Variants in DMD observed in about 807,000 individuals in gnomAD.
DMD encodes the protein mutant dystrophin.
DMD carries 63 observed loss-of-function variants against 330.1 expected under a neutral mutation model. The observed-to-expected ratio is 0.19, with a 90% CI of 0.16 to 0.24. The LOEUF is 0.24. Among genes scored for constraint, DMD ranks in the 10% least tolerant of loss-of-function variants. The probability of loss-of-function intolerance (pLI) is 1.00; values close to 1 mark genes in which losing one functional copy is unlikely to be tolerated. For missense variants in DMD, 3,344 were observed against 2,684.1 expected (o/e 1.25, Z -5.43); for synonymous variants, 1,223 against 959.8 (o/e 1.27, Z -5.07).
At chrX:33,032,313 A>G (rs2094129394) in intron 1 of DMD, among the ~76,000 whole-genome samples, 1 of 112,458 alleles carries the variant, frequency 8.9e-6, no homozygotes, top group Non-Finnish European at 1.9e-5. Context: ...CCTGTACTCA[A>G]TACAAAATTG....
intron 1 of DMD, among the ~76,000 whole-genome samples, chrX:33,235,168 T>C (rs2052453998): frequency 8.9e-6 from 1 of 111,854 alleles, no homozygotes; most frequent in Non-Finnish European, 1.9e-5. Flanking sequence ...TGGTCTTGTG[T>C]TGTGTAGCAG....
chrX:32,764,980 T>A lies in DMD; in HGVS notation c.649+44513A>T, dbSNP rs1366943651. ...GGGTTTTTTTTTTTTTTTTTGGTGT[T>A]TTAAAATAATCATCATCCTAATGGG... is the stretch of plus-strand genomic sequence containing the variant. On this transcript the variant is annotated intron_variant, in intron 7 of 78. Coordinates refer to ENST00000357033, the MANE Select transcript of DMD (RefSeq NM_004006.3). Among the ~76,000 whole-genome samples the A allele has an allele frequency of 4.2e-3, 450 of 107,342 alleles. 5 individuals are homozygous for A. The highest frequency in any genetic ancestry group is 0.015 in the African/African-American group (435 of 29,457). 93.2% of individuals were successfully genotyped at this position (107,342 alleles called of 115,157 possible). A position where few individuals can be genotyped will look rare whatever the true frequency, so the allele number is the denominator to read the frequency against.
chrX:32,076,216 C>G (rs1047548737), intron 44 of DMD, among the ~76,000 whole-genome samples: 9 of 108,403 alleles, frequency 8.3e-5, no homozygotes, highest in Non-Finnish European at 1.3e-4. Context: ...AGCGGAAAGA[C>G]AGACAGGTGT....
intron 2 of DMD, among the ~76,000 whole-genome samples, chrX:32,949,342 GTAGATAGATAGATAGATAGATAGA>G (rs1193558967): frequency 5.0e-4 from 46 of 91,539 alleles, no homozygotes; most frequent in African/African-American, 1.0e-3. Context: ...AGGTAGGTAG[GTAGATAGATAGATAGATAGATAGA>G]TAGATAGATA....
At chrX:33,096,125 C>G (rs1429261733) in intron 1 of DMD, among the ~76,000 whole-genome samples, 2 of 108,966 alleles carry the variant, frequency 1.8e-5, no homozygotes, top group Non-Finnish European at 3.8e-5. Flanking sequence ...CAGGCGCCTG[C>G]CACCACGCCC....
intron 1 of DMD, among the ~76,000 whole-genome samples, chrX:33,325,819 T>A (rs968385351): frequency 5.4e-5 from 6 of 111,949 alleles, no homozygotes; most frequent in Non-Finnish European, 9.4e-5. Flanking sequence ...ATTTTTGCTT[T>A]GTGTTACTTT....
At chrX:32,587,876 C>A (rs5972615) in intron 13 of DMD, among the ~76,000 whole-genome samples, 15,526 of 111,082 alleles carry the variant, frequency 0.14, 2,674 homozygotes, top group African/African-American at 0.48. Flanking sequence ...CTCAACTACC[C>A]TTTTACCCTT....
intron 2 of DMD, among the ~76,000 whole-genome samples, chrX:32,878,380 A>AAAT (rs199637086): frequency 0.01 from 1,171 of 111,685 alleles, 12 homozygotes; most frequent in East Asian, 0.054. Context: ...TACGTCTCAA[A>AAAT]AATAATAAAA....
intron 60 of DMD, among the ~76,000 whole-genome samples, chrX:31,398,321 A>G (rs1170951605): frequency 8.9e-6 from 1 of 112,398 alleles, no homozygotes; most frequent in Non-Finnish European, 1.9e-5. Flanking sequence ...CCAGGTTTAT[A>G]AGGGCTTTCC....
chrX:32,313,167 C>G (rs1365440864), intron 41 of DMD, among the ~76,000 whole-genome samples: 2 of 109,206 alleles, frequency 1.8e-5, no homozygotes, highest in Non-Finnish European at 3.8e-5. Flanking sequence ...ACTGGCAAAC[C>G]AAATCCAGTA....
intron 44 of DMD, among the ~76,000 whole-genome samples, chrX:31,990,725 C>G: frequency 8.9e-6 from 1 of 111,950 alleles, no homozygotes; most frequent in Admixed American, 9.5e-5. Flanking sequence ...TAATAACTCA[C>G]GTAAGCAAGG....
chrX:32,883,839 A>G (rs1369065664), intron 2 of DMD, among the ~76,000 whole-genome samples: 17 of 105,190 alleles, frequency 1.6e-4, no homozygotes, highest in South Asian at 4.2e-4. Context: ...AAAAAAAAAA[A>G]AAAAAAAAAA....
chrX:31,366,492 A>AT (rs2059252362), intron 60 of DMD, among the ~76,000 whole-genome samples: 1 of 100,490 alleles, frequency 1.0e-5, no homozygotes, highest in African/African-American at 3.7e-5. Flanking sequence ...AAAAAAAAAA[A>AT]AAAACATAAA....
rs1488837421 is a variant in DMD at position 32,841,000 on chromosome X, A to G, written c.264+3783T>C. On this transcript the variant is annotated intron_variant, in intron 4 of 78. Coordinates refer to ENST00000357033, the MANE Select transcript of DMD (RefSeq NM_004006.3). The stretch of plus-strand genomic sequence containing the variant: ...AACTCTTTAATTAGTTGCCTGAATT[A>G]TATTTCCAGAAGTTAATTGTGAGAT... 5.4e-5 allele frequency among the ~76,000 whole-genome samples: 6 copies of G among 112,065 alleles called. No individual in the cohort carries two copies. In the South Asian group the frequency reaches 2.2e-3, roughly 41 times the overall value.
chrX:31,874,404 T>A (rs2093937304), intron 48 of DMD, among the ~76,000 whole-genome samples: 1 of 110,854 alleles, frequency 9.0e-6, no homozygotes, highest in South Asian at 3.8e-4. Context: ...GCCCAGACAT[T>A]ATATTTTAGG....
chrX:32,310,257 G>C lies in DMD; in HGVS notation c.5942C>G (p.Thr1981Arg), dbSNP rs140575687. The change falls in exon 42 of 79, where the codon ACG (threonine) becomes AGG (arginine). Residue 1981 changes from threonine to arginine, a missense_variant. Thr to Arg is a moderately conservative substitution (Grantham distance 71). Transcript: ENST00000357033. ...CATGTCTTCAGTCATCACCATCATC[G>C]TTTCTTCACGGACAGTGTGCTGGTA... ...FAQIHTVREE[T>R]MMVMTEDMPL... The C allele has an allele frequency of 1.7e-6, 2 of 1,208,169 alleles. No individual in the cohort carries two copies. The highest frequency in any genetic ancestry group is 2.2e-6 in the Non-Finnish European group (2 of 893,193).
intron 7 of DMD, among the ~76,000 whole-genome samples, chrX:32,761,896 A>G (rs1297751839): frequency 9.0e-6 from 1 of 111,250 alleles, no homozygotes; most frequent in Non-Finnish European, 1.9e-5. Context: ...CATGCTTGTT[A>G]TCCCAGCACT....
Position 32,809,524 on chromosome X carries a change from T to C in DMD, c.618A>G (p.Gln206=), listed in dbSNP as rs727503865. 2.0e-5 allele frequency: 24 copies of C among 1,209,368 alleles called. No individual in the cohort carries two copies. Among genetic ancestry groups the C allele is most frequent in the Admixed American group, 8.8e-5 (4 of 45,625 alleles). Residue 206 remains glutamine, a synonymous_variant, in exon 7 of 79, where the codon CAA becomes CAG. Transcript: ENST00000357033. ...GATCGAGTAGTTTCTCTATGCCTAA[T>C]TGATATCTGGCGATGTTGAATGCAT... The part of the protein sequence containing the change: ...LEHAFNIARY[Q]LGIEKLLDPE...
chrX:32,787,628 TAATAG>T (rs2075498273), intron 7 of DMD, among the ~76,000 whole-genome samples: 2 of 111,281 alleles, frequency 1.8e-5, no homozygotes, highest in Non-Finnish European at 3.8e-5. Flanking sequence ...GATTAATAAC[TAATAG>T]AACAATTATA....
Sources: allele counts gnomAD v4.1 joint callset (sites outside exome capture counted in the v4.1 genomes callset), GRCh38; gene constraint gnomAD v4.1.1; transcripts MANE v1.5; gene names NCBI Gene and HGNC (gene_info 2026-07-23, HGNC 2026-07-21).